Variants in RFC5 observed in about 807,000 individuals in gnomAD.
The protein encoded by RFC5 is A1 36 kDa subunit.
A neutral mutation model predicts 44.3 loss-of-function variants in RFC5; 26 were observed. That is an observed-to-expected ratio of 0.59 (90% confidence interval 0.43 to 0.81). RFC5 has a LOEUF of 0.81. Ranked by LOEUF, RFC5 falls within the 40% of genes least tolerant of loss-of-function variation. The pLI is 0.00. For synonymous variants in RFC5, 155 were observed against 155.2 expected (o/e 1.00, Z 0.01); for missense variants, 328 against 418.6 (o/e 0.78, Z 1.89).
rs2031328721 is a variant in RFC5, at chr12:118,031,639, T to C, written c.*361T>C. On this transcript the variant is annotated 3_prime_UTR_variant, in exon 11 of 11. Coordinates refer to ENST00000454402, the MANE Select transcript of RFC5 (RefSeq NM_007370.7). ...CAGAAGACTTTCAAATTTAATATGGTCCAAGTGTCTTCCTACTCAAGGTAA... is the reference window on the plus strand; with the variant it reads ...CAGAAGACTTTCAAATTTAATATGGCCCAAGTGTCTTCCTACTCAAGGTAA... 1 of 157,150 alleles carries C rather than the reference T, an allele frequency of 6.4e-6. No homozygotes were observed. Among genetic ancestry groups the C allele is most frequent in the Non-Finnish European group, 1.4e-5 (1 of 71,550 alleles). 9.7% of individuals were successfully genotyped at this position (157,150 alleles called of 1,614,324 possible). A position where few individuals can be genotyped will look rare whatever the true frequency, so the allele number is the denominator to read the frequency against.
At chr12:118,029,508 A>G (rs923170630) in intron 9 of RFC5, among the ~76,000 whole-genome samples, 2 of 152,238 alleles carry the variant, frequency 1.3e-5, no homozygotes, top group Non-Finnish European at 2.9e-5. Context: ...TGCTAAGAGC[A>G]GTGTGATCTT....
the RFC5 span, chr12:118,038,250 T>C: frequency 1.3e-6 from 2 of 1,586,762 alleles, no homozygotes; most frequent in African/African-American, 1.3e-5. Flanking sequence ...CAGACCTCCA[T>C]GTCTCAGTGA....
Position 118,019,127 on chromosome 12 carries a change from C to A in RFC5, c.121C>A (p.Leu41Met), listed in dbSNP as rs755271661. The A allele has an allele frequency of 1.2e-6, 2 of 1,611,708 alleles. No homozygotes were observed. The highest frequency in any genetic ancestry group is 1.3e-5 in the African/African-American group (1 of 74,898). The change falls in exon 2 of 11, where the codon CTG (leucine) becomes ATG (methionine). Residue 41 changes from leucine (L) to methionine (M), a missense_variant. Transcript: ENST00000454402. The surrounding 1 kb of genome is among the most constrained non-coding windows in gnomAD (Gnocchi z 4.2). ...LNDLISHQDILSTIQKFINED... is the reference protein window; with the variant it reads ...LNDLISHQDIMSTIQKFINED... ...TGATCTCATTTCTCATCAGGACATTCTGAGTACCAGTAAGTATTCATGTGT... is the reference window on the plus strand; with the variant it reads ...TGATCTCATTTCTCATCAGGACATTATGAGTACCAGTAAGTATTCATGTGT...
At chr12:118,037,003 A>G (rs901988546), downstream of RFC5, among the ~76,000 whole-genome samples, 12 of 151,910 alleles carry the variant, frequency 7.9e-5, no homozygotes, top group Admixed American at 3.9e-4. Flanking sequence ...TCAACATGGC[A>G]AAACCCCATC....
chr12:118,039,950 T>C, the RFC5 span, among the ~76,000 whole-genome samples: 3 of 152,022 alleles, frequency 2.0e-5, no homozygotes, highest in African/African-American at 7.2e-5. Context: ...TTCACCATGT[T>C]GGCTAGGCTG....
At position 118,031,901 on chromosome 12, in the gene RFC5, G is replaced by A. The variant is rs1346730547; in HGVS notation, c.*623G>A. ...ACCTTAATTTTAAATATAATATAGA[G>A]CCTTAAACTATGCCACTGGGTGGCA... On this transcript the variant is annotated 3_prime_UTR_variant, in exon 11 of 11. Transcript: ENST00000454402. The A allele has an allele frequency of 2.0e-5, 3 of 152,204 alleles. No homozygotes were observed. Among genetic ancestry groups the A allele is most frequent in the African/African-American group, 4.8e-5 (2 of 41,448 alleles). The allele number at this position is 152,204 out of a possible 1,614,324, so 9.4% of individuals were successfully genotyped here. A position where few individuals can be genotyped will look rare whatever the true frequency, so the allele number is the denominator to read the frequency against.
intron 3 of RFC5, among the ~76,000 whole-genome samples, chr12:118,020,384 C>A (rs2030402678): frequency 6.6e-6 from 1 of 152,214 alleles, no homozygotes; most frequent in African/African-American, 2.4e-5. Flanking sequence ...TATATCACAC[C>A]TTTAAAAAGA....
At chr12:118,021,131 G>A (rs1440427384) in intron 4 of RFC5, 146 bp downstream of exon 4, 4 of 577,144 alleles carry the variant, frequency 6.9e-6, no homozygotes, top group Non-Finnish European at 1.2e-5. Flanking sequence ...AGAGATAAAC[G>A]AGAGGGATGG....
At chr12:118,038,392 G>T in the RFC5 span, 1 of 1,613,202 alleles carries the variant, frequency 6.2e-7, no homozygotes, top group Non-Finnish European at 8.5e-7. Context: ...TGTTTACCTG[G>T]CAGGAAAAAG....
downstream of RFC5, chr12:118,034,252 G>C (rs775233620): frequency 2.5e-6 from 4 of 1,614,212 alleles, no homozygotes; most frequent in Non-Finnish European, 3.4e-6. Context: ...GGCAGTGCTA[G>C]GACTTGGTAA....
chr12:118,023,411 AGGGG>A (rs1297353818), intron 5 of RFC5, among the ~76,000 whole-genome samples: 8,016 of 30,028 alleles, frequency 0.27, 1,202 homozygotes, highest in East Asian at 0.58. Context: ...GAGGAGGAGG[AGGGG>A]GGAGGAGGGG....
intron 8 of RFC5, among the ~76,000 whole-genome samples, 184 bp from the exon 9 acceptor site, chr12:118,027,769 A>G (rs1160065543): frequency 6.6e-6 from 1 of 152,208 alleles, no homozygotes; most frequent in African/African-American, 2.4e-5. Context: ...GCCCTTACTG[A>G]AGATGAAACA....
chr12:118,023,346 T>C (rs570358515), intron 5 of RFC5, among the ~76,000 whole-genome samples: 1 of 145,404 alleles, frequency 6.9e-6, no homozygotes, highest in South Asian at 2.2e-4. Context: ...TCTTTAGGAG[T>C]TTGTGGCGAG....
intron 8 of RFC5, 176 bp downstream of exon 8, chr12:118,027,194 C>T: frequency 1.6e-6 from 1 of 612,398 alleles, no homozygotes; most frequent in Non-Finnish European, 2.9e-6. Context: ...TTTAGCACTC[C>T]AGAGTTCTTC....
In RFC5 at chr12:118,022,305, A is replaced by C; in HGVS notation, c.367A>C (p.Ile123Leu). The C allele has an allele frequency of 6.2e-7, 1 of 1,613,916 alleles. No individual in the cohort carries two copies. The highest frequency in any genetic ancestry group is 8.5e-7 in the Non-Finnish European group (1 of 1,179,812). ...TIFKKGFKLV[I>L]LDEADAMTQD... ...TTCTAGGAAAGGCTTTAAGCTAGTGATCTTGGATGAAGCAGACGCCATGAC... is the reference window on the plus strand; with the variant it reads ...TTCTAGGAAAGGCTTTAAGCTAGTGCTCTTGGATGAAGCAGACGCCATGAC... The change falls in exon 5 of 11, where the codon ATC becomes CTC. Residue 123 changes from isoleucine (I) to leucine (L), a missense_variant. Transcript: ENST00000454402.
chr12:118,039,887 G>C, the RFC5 span, among the ~76,000 whole-genome samples: 1 of 151,888 alleles, frequency 6.6e-6, no homozygotes, highest in African/African-American at 2.4e-5. Context: ...GGGATTACAG[G>C]TATCTGCCAC....
rs759246200 is a variant in RFC5, at chr12:118,022,359, G to T, written c.421G>T (p.Val141Leu). The T allele has an allele frequency of 2.5e-6, 4 of 1,607,982 alleles. No homozygotes were observed. Among genetic ancestry groups the T allele is most frequent in the Non-Finnish European group, 3.4e-6 (4 of 1,174,392 alleles). Residue 141 changes from valine to leucine, a missense_variant and splice_region_variant, in exon 5 of 11, where the codon GTA (valine) becomes TTA (leucine). Physicochemically the swap from Val to Leu is conservative, Grantham distance 32. Transcript: ENST00000454402. ...TQDAQNALRR[V>L]IEKFTENTRF... ...GGACGCCCAGAATGCCTTGAGAAGA[G>T]GTAAGCAGAGGCACTGTGGAGCGTT...
chr12:118,025,557 A>T, intron 6 of RFC5, 190 bp from the exon 7 acceptor site: 1 of 523,676 alleles, frequency 1.9e-6, no homozygotes, highest in South Asian at 2.9e-5. Flanking sequence ...GGCTGTGACT[A>T]CTAATGTGAA....
At chr12:118,024,400 T>C (rs947234553) in intron 5 of RFC5, among the ~76,000 whole-genome samples, 12 of 151,940 alleles carry the variant, frequency 7.9e-5, no homozygotes, top group Non-Finnish European at 1.5e-4. Context: ...CTGCCCTGTC[T>C]TGTCATAGGC....
Sources: allele counts gnomAD v4.1 joint callset (sites outside exome capture counted in the v4.1 genomes callset), GRCh38; gene constraint gnomAD v4.1.1; non-coding constraint Gnocchi (gnomAD v3.1); transcripts MANE v1.5; gene names NCBI Gene and HGNC (gene_info 2026-07-23, HGNC 2026-07-21).